Variants in ANO3 observed in about 807,000 individuals in gnomAD.
ANO3 encodes the protein anoctamin-3.
ANO3 carries 99 observed loss-of-function variants against 144.8 expected under a neutral mutation model. That is an observed-to-expected ratio of 0.68 (90% CI 0.58 to 0.81). The LOEUF (loss-of-function observed/expected upper bound fraction) is 0.81, where lower values mean the gene tolerates loss of function less well. Ranked by LOEUF, ANO3 falls within the 30% of genes least tolerant of loss-of-function variation. The pLI, the probability that ANO3 is intolerant of heterozygous loss-of-function variation, is 0.00. For missense variants in ANO3, 905 were observed against 1,202.2 expected, an observed-to-expected ratio of 0.75 and a Z score of 3.66; for synonymous variants, 414 against 392.6, an observed-to-expected ratio of 1.05 and a Z score of -0.64.
chr11:26,608,706 G>A (rs1315699019), intron 17 of ANO3, among the ~76,000 whole-genome samples: 1 of 152,144 alleles, frequency 6.6e-6, no homozygotes, highest in Non-Finnish European at 1.5e-5. Flanking sequence ...GGTAAGGCCT[G>A]AAGAGGTACT....
chr11:26,617,176 A>G (rs1852286091), intron 17 of ANO3, among the ~76,000 whole-genome samples: 1 of 152,112 alleles, frequency 6.6e-6, no homozygotes, highest in African/African-American at 2.4e-5. Context: ...TTGCTTCTTA[A>G]AGTCCAATCT....
chr11:26,605,850 A>G (rs1365190686), intron 17 of ANO3, among the ~76,000 whole-genome samples: 1 of 150,154 alleles, frequency 6.7e-6, no homozygotes, highest in Non-Finnish European at 1.5e-5. Flanking sequence ...TAGTCTGGCT[A>G]GCAGTCTATT....
chr11:26,239,740 A>G (rs1373816051), intron 1 of ANO3, among the ~76,000 whole-genome samples: 2 of 152,198 alleles, frequency 1.3e-5, no homozygotes, highest in African/African-American at 4.8e-5. Context: ...AGTAACGGGC[A>G]CGTAGTAAGT....
intron 1 of ANO3, among the ~76,000 whole-genome samples, chr11:26,339,874 G>A (rs1564972616): frequency 6.6e-6 from 1 of 152,164 alleles, no homozygotes; most frequent in Admixed American, 6.5e-5. Flanking sequence ...TGCACTGCAA[G>A]TAGCAATTAC....
intron 4 of ANO3, among the ~76,000 whole-genome samples, chr11:26,484,503 C>T (rs1466860459): frequency 6.6e-6 from 1 of 152,136 alleles, no homozygotes; most frequent in Non-Finnish European, 1.5e-5. Flanking sequence ...GAGCCTCCAC[C>T]TAGATTTCAC....
chr11:26,394,570 C>CTTTTTTTTTTTTTTTTTTTT (rs56118844), intron 1 of ANO3, among the ~76,000 whole-genome samples: 1 of 115,750 alleles, frequency 8.6e-6, no homozygotes, highest in African/African-American at 3.2e-5. Context: ...ATTTCATTTT[C>CTTTTTTTTTTTTTTTTTTTT]TTTTTTTTTT....
At chr11:26,253,000 T>C (rs1160129066) in intron 1 of ANO3, among the ~76,000 whole-genome samples, 1 of 152,118 alleles carries the variant, frequency 6.6e-6, no homozygotes, top group African/African-American at 2.4e-5. Context: ...CACAGGAAAA[T>C]GATCCTGAGA....
At chr11:26,232,447 C>T (rs924094428) in intron 1 of ANO3, among the ~76,000 whole-genome samples, 5 of 152,152 alleles carry the variant, frequency 3.3e-5, no homozygotes, top group African/African-American at 1.2e-4. Context: ...AAAAAAAATG[C>T]ATAGCCCTGA....
At chr11:26,294,657 A>G (rs1854044960) in intron 1 of ANO3, among the ~76,000 whole-genome samples, 1 of 152,286 alleles carries the variant, frequency 6.6e-6, no homozygotes, top group East Asian at 1.9e-4. Flanking sequence ...CTCTGACTCC[A>G]TCACCTACAC....
intron 1 of ANO3, among the ~76,000 whole-genome samples, chr11:26,259,307 A>C (rs1356433941): frequency 6.6e-6 from 1 of 152,134 alleles, no homozygotes; most frequent in East Asian, 1.9e-4. Flanking sequence ...CTCGTTTGTA[A>C]GTATATGTTT....
chr11:26,332,443 T>TAAAAA, intron 1 of ANO3, 122 bp downstream of exon 1: 1 of 709,514 alleles, frequency 1.4e-6, no homozygotes. Flanking sequence ...CTCTGTGAAG[T>TAAAAA]TAAAAAAAAA....
At chr11:26,284,832 G>A (rs888413217) in intron 1 of ANO3, among the ~76,000 whole-genome samples, 3 of 152,164 alleles carry the variant, frequency 2.0e-5, no homozygotes, top group Admixed American at 1.3e-4. Flanking sequence ...GTGAACCTGG[G>A]AGGCGGAGCC....
At chr11:26,466,801 A>G (rs987612302) in intron 4 of ANO3, among the ~76,000 whole-genome samples, 1 of 151,972 alleles carries the variant, frequency 6.6e-6, no homozygotes, top group African/African-American at 2.4e-5. Context: ...TAATGGAGAC[A>G]ACCACAAATG....
chr11:26,351,072 T>C (rs2133912536), intron 1 of ANO3, among the ~76,000 whole-genome samples: 1 of 152,324 alleles, frequency 6.6e-6, no homozygotes, highest in Non-Finnish European at 1.5e-5. Context: ...TTCAGATACC[T>C]CTTTGTTCAA....
At chr11:26,593,927 A>C (rs553834533) in intron 14 of ANO3, among the ~76,000 whole-genome samples, 1 of 152,084 alleles carries the variant, frequency 6.6e-6, no homozygotes, top group Non-Finnish European at 1.5e-5. Context: ...TACCAAGTTA[A>C]ATAGGGTTTC....
At chr11:26,547,108 G>GA (rs1235110646) in intron 11 of ANO3, among the ~76,000 whole-genome samples, 1 of 151,808 alleles carries the variant, frequency 6.6e-6, no homozygotes, top group East Asian at 1.9e-4. Flanking sequence ...TCTGTGATGT[G>GA]AAAAAATGAA....
intron 14 of ANO3, among the ~76,000 whole-genome samples, chr11:26,595,559 A>C (rs1452943284): frequency 6.8e-6 from 1 of 146,164 alleles, no homozygotes; most frequent in Non-Finnish European, 1.5e-5. Context: ...TTATTAGGCA[A>C]TTCTCCTAAC....
chr11:26,503,526 C>T (rs751893907), intron 4 of ANO3, among the ~76,000 whole-genome samples: 34 of 152,208 alleles, frequency 2.2e-4, no homozygotes, highest in African/African-American at 5.8e-4. Flanking sequence ...GTTCTTGCTA[C>T]GTAATTCAGA....
intron 12 of ANO3, among the ~76,000 whole-genome samples, chr11:26,549,646 G>T (rs987311934): frequency 2.0e-5 from 3 of 151,812 alleles, no homozygotes; most frequent in South Asian, 2.1e-4. Context: ...GGTTTTAGAT[G>T]ATTGTATATA....
Sources: allele counts gnomAD v4.1 joint callset (sites outside exome capture counted in the v4.1 genomes callset), GRCh38; gene constraint gnomAD v4.1.1; transcripts MANE v1.5; gene names NCBI Gene and HGNC (gene_info 2026-07-23, HGNC 2026-07-21).